The following PCDHGA9 variants were observed in gnomAD, a reference collection of about 807,000 sequenced individuals.
PCDHGA9 encodes the protein protocadherin gamma-A9.
In PCDHGA9, 37 loss-of-function variants were observed where a neutral mutation model predicts 62.5. The ratio of observed to expected loss-of-function variants is 0.59; its 90% CI spans 0.46 to 0.78. The LOEUF is 0.78. Among genes scored for constraint, PCDHGA9 ranks in the 30% least tolerant of loss-of-function variants. The pLI is 0.00. For missense variants in PCDHGA9, 1,138 were observed against 1,166.2 expected (o/e 0.98, Z 0.35); for synonymous variants, 459 against 484.6 (o/e 0.95, Z 0.69).
chr5:141,480,381 C>T (rs1018981416), intron 1 of PCDHGA9, among the ~76,000 whole-genome samples: 2 of 151,926 alleles, frequency 1.3e-5, no homozygotes, highest in Non-Finnish European at 2.9e-5. Context: ...CACCACTACA[C>T]TTCAACCATG....
intron 2 of PCDHGA9, among the ~76,000 whole-genome samples, chr5:141,501,092 C>A: frequency 6.6e-6 from 1 of 152,118 alleles, no homozygotes; most frequent in East Asian, 1.9e-4. Flanking sequence ...TGGTCTCAAT[C>A]TCTTGACCTC....
Position 141,491,815 on chromosome 5 carries a change from C to T in PCDHGA9, c.2425-2992C>T. The T allele has an allele frequency of 6.7e-7, 1 of 1,485,264 alleles. No individual in the cohort carries two copies. Among genetic ancestry groups the T allele is most frequent in the African/African-American group, 1.4e-5 (1 of 70,622 alleles). The allele number at this position is 1,485,264 out of a possible 1,614,324, so 92.0% of individuals were successfully genotyped here. ...CCTCTCCGGCCGGCTTGGTCGCTGGCTGCGCTCCACCCGATTCTCGGGATC... is the reference window on the plus strand; with the variant it reads ...CCTCTCCGGCCGGCTTGGTCGCTGGTTGCGCTCCACCCGATTCTCGGGATC... On this transcript the variant is annotated intron_variant, in intron 1 of 3. Coordinates refer to ENST00000573521, the MANE Select transcript of PCDHGA9 (RefSeq NM_018921.3). This position sits in a 1 kb window ranked among gnomAD's most constrained non-coding sequence, Gnocchi z 6.9.
chr5:141,510,847 A>C (rs1279701390), intron 3 of PCDHGA9, 100 bp from the exon 4 acceptor site: 1 of 1,595,232 alleles, frequency 6.3e-7, no homozygotes, highest in Non-Finnish European at 8.6e-7. Context: ...GTCAAGGCCC[A>C]GGGTGCTGTA....
intron 1 of PCDHGA9, chr5:141,415,234 A>G: frequency 1.2e-6 from 2 of 1,614,136 alleles, no homozygotes; most frequent in Non-Finnish European, 1.7e-6. Context: ...GTCTCCAGCT[A>G]ACTCTGAAAC....
chr5:141,410,822 A>T (rs2095425246), intron 1 of PCDHGA9: 1 of 461,414 alleles, frequency 2.2e-6, no homozygotes, highest in Non-Finnish European at 3.6e-6. Flanking sequence ...AAATAATGTC[A>T]CCAGACTGAA....
rs901230493 is a variant in PCDHGA9, at chr5:141,487,514, C to T, written c.2425-7293C>T. 7 of 1,614,150 alleles carry T rather than the reference C, an allele frequency of 4.3e-6. No homozygotes were observed. The highest frequency in any genetic ancestry group is 1.1e-5 in the South Asian group (1 of 91,070). On this transcript the variant is annotated intron_variant, in intron 1 of 3. Transcript: ENST00000573521. The surrounding 1 kb of genome is among the most constrained non-coding windows in gnomAD (Gnocchi z 5.0). Reference sequence around the variant, plus strand: ...TACACCCTTGGCTTCTGCACCCACTCGGAGTGATAGCTTCATGATGGTGAA... The same window carrying T: ...TACACCCTTGGCTTCTGCACCCACTTGGAGTGATAGCTTCATGATGGTGAA...
At chr5:141,416,717 A>G (rs1227713508) in intron 1 of PCDHGA9, 1 of 152,256 alleles carries the variant, frequency 6.6e-6, no homozygotes, top group Admixed American at 6.5e-5. Flanking sequence ...GGTACTGATG[A>G]GTTCATTTAG....
chr5:141,407,659 T>C (rs1443799600), intron 1 of PCDHGA9, among the ~76,000 whole-genome samples: 1 of 152,136 alleles, frequency 6.6e-6, no homozygotes, highest in East Asian at 1.9e-4. Flanking sequence ...GGGAGCGCAG[T>C]ATATATTAAA....
chr5:141,430,763 A>C, intron 1 of PCDHGA9: 1 of 1,506,248 alleles, frequency 6.6e-7, no homozygotes, highest in Non-Finnish European at 8.9e-7. Flanking sequence ...GATAAGAATG[A>C]TTCCTGCGCG....
intron 1 of PCDHGA9, chr5:141,421,455 C>G (rs762490406): frequency 6.2e-6 from 10 of 1,614,108 alleles, no homozygotes; most frequent in South Asian, 1.1e-5. Flanking sequence ...CACAGCTTTT[C>G]GCTGTGAATC....
chr5:141,444,013 C>T (rs1226458485), intron 1 of PCDHGA9, among the ~76,000 whole-genome samples: 2 of 152,060 alleles, frequency 1.3e-5, no homozygotes, highest in Admixed American at 6.6e-5. Flanking sequence ...TGGGTATTGG[C>T]TTCTAAAAGG....
At position 141,423,488 on chromosome 5, in the gene PCDHGA9, A is replaced by G. The variant is rs141810253; in HGVS notation, c.2424+18112A>G. The G allele has an allele frequency of 9.2e-4, 1,481 of 1,613,946 alleles. 7 individuals carry two copies. The highest frequency in any genetic ancestry group is 3.0e-3 in the Middle Eastern group (18 of 6,062). On this transcript the variant is annotated intron_variant, in intron 1 of 3. Transcript: ENST00000573521. The stretch of plus-strand genomic sequence containing the variant: ...GGGGTACAGGCTTTCCTGCAAACCT[A>G]TTCCCACGAGGTCTCTCTCATTGCG...
chr5:141,505,625 C>T, intron 3 of PCDHGA9, 144 bp downstream of exon 3: 1 of 1,489,114 alleles, frequency 6.7e-7, no homozygotes, highest in Non-Finnish European at 9.0e-7. Context: ...CCCACAATTC[C>T]AAACATAAAG....
intron 1 of PCDHGA9, chr5:141,415,071 G>T: frequency 6.2e-7 from 1 of 1,613,422 alleles, no homozygotes; most frequent in East Asian, 2.2e-5. Flanking sequence ...AGGTGCGCAC[G>T]GCGCGAGCCC....
chr5:141,437,306 C>T (rs1462689998), intron 1 of PCDHGA9, among the ~76,000 whole-genome samples: 1 of 152,104 alleles, frequency 6.6e-6, no homozygotes, highest in Non-Finnish European at 1.5e-5. Flanking sequence ...CAAGTTAAAG[C>T]GTTCAGCTAT....
Position 141,490,310 on chromosome 5 carries a change from AC to A in PCDHGA9, c.2425-4494del. 1 of 1,614,084 alleles carries A rather than the reference AC, an allele frequency of 6.2e-7. No homozygotes were observed. The highest frequency in any genetic ancestry group is 8.5e-7 in the Non-Finnish European group (1 of 1,180,012). ...GAGGTGCTATTGGCCTCTTTGGCCA[AC>A]CCTGTCCTAGAGAGCACACCAGTGG... is the stretch of plus-strand genomic sequence containing the variant. On this transcript the variant is annotated intron_variant, in intron 1 of 3. Transcript: ENST00000573521. This position sits in a 1 kb window ranked among gnomAD's most constrained non-coding sequence, Gnocchi z 5.4.
chr5:141,509,513 T>C (rs2099877131), intron 3 of PCDHGA9, among the ~76,000 whole-genome samples: 2 of 152,068 alleles, frequency 1.3e-5, no homozygotes, highest in Non-Finnish European at 2.9e-5. Flanking sequence ...ACGGTGTTGA[T>C]GATGTATTGC....
At chr5:141,450,293 G>A (rs879439714) in intron 1 of PCDHGA9, among the ~76,000 whole-genome samples, 6 of 151,746 alleles carry the variant, frequency 4.0e-5, no homozygotes, top group Non-Finnish European at 7.4e-5. Flanking sequence ...GATTACAGGC[G>A]TGAGCCACCA....
chr5:141,489,124 A>C lies in PCDHGA9; in HGVS notation c.2425-5683A>C. The C allele has an allele frequency of 3.6e-6, 2 of 556,652 alleles. No individual in the cohort carries two copies. Among genetic ancestry groups the C allele is most frequent in the South Asian group, 3.3e-5 (1 of 30,014 alleles). The allele number at this position is 556,652 out of a possible 1,614,324, so 34.5% of individuals were successfully genotyped here. On this transcript the variant is annotated intron_variant, in intron 1 of 3. Transcript: ENST00000573521. The surrounding 1 kb of genome is among the most constrained non-coding windows in gnomAD (Gnocchi z 4.5). ...GCTGCAAGCAGGCAAACCTCCGAGC[A>C]GTTTTTAAGAGGCTGGAAGGAGACA...
Sources: allele counts gnomAD v4.1 joint callset (sites outside exome capture counted in the v4.1 genomes callset), GRCh38; gene constraint gnomAD v4.1.1; non-coding constraint Gnocchi (gnomAD v3.1); transcripts MANE v1.5; gene names NCBI Gene and HGNC (gene_info 2026-07-23, HGNC 2026-07-21).